SEZ6L: variants seen among roughly 807,000 people sequenced by gnomAD.
SEZ6L encodes seizure related 6 homolog like, also known as seizure 6-like protein.
SEZ6L carries 37 observed loss-of-function variants against 106.2 expected under a neutral mutation model. The observed-to-expected ratio is 0.35, with a 90% CI of 0.27 to 0.46. The LOEUF (loss-of-function observed/expected upper bound fraction) is 0.46, where lower values mean the gene tolerates loss of function less well. Among genes scored for constraint, SEZ6L ranks in the 20% least tolerant of loss-of-function variants. The pLI is 1.00. For synonymous variants in SEZ6L, 541 were observed against 570.4 expected, an observed-to-expected ratio of 0.95 and a Z score of 0.73; for missense variants, 1,172 against 1,332.8, an observed-to-expected ratio of 0.88 and a Z score of 1.88.
intron 1 of SEZ6L, among the ~76,000 whole-genome samples, chr22:26,276,240 T>C (rs1210196377): frequency 6.6e-6 from 1 of 152,244 alleles, no homozygotes; most frequent in Non-Finnish European, 1.5e-5. Flanking sequence ...CAGTGTTTCT[T>C]TAAGGTTAAC....
chr22:26,203,855 C>T (rs1300130658), intron 1 of SEZ6L, among the ~76,000 whole-genome samples: 1 of 152,112 alleles, frequency 6.6e-6, no homozygotes, highest in East Asian at 1.9e-4. Flanking sequence ...AATGTAGACC[C>T]CTTAAGAGCT....
At chr22:26,296,210 A>G (rs145673620) in intron 3 of SEZ6L, among the ~76,000 whole-genome samples, 102 of 152,292 alleles carry the variant, frequency 6.7e-4, no homozygotes, top group Middle Eastern at 3.4e-3. Context: ...CACAGAGTGT[A>G]AATGGCAAAG....
chr22:26,262,716 GAGA>G (rs952232964), intron 1 of SEZ6L, among the ~76,000 whole-genome samples: 1 of 152,178 alleles, frequency 6.6e-6, no homozygotes, highest in African/African-American at 2.4e-5. Context: ...AGCCAGACGG[GAGA>G]AGGAGGACCA....
chr22:26,361,505 T>C (rs2083626899), intron 12 of SEZ6L, among the ~76,000 whole-genome samples: 1 of 63,754 alleles, frequency 1.6e-5, no homozygotes, highest in African/African-American at 1.1e-4. Flanking sequence ...AGACTCTGTC[T>C]CAAAAAAAAA....
At chr22:26,366,842 T>G (rs570675386) in intron 13 of SEZ6L, among the ~76,000 whole-genome samples, 2 of 152,248 alleles carry the variant, frequency 1.3e-5, no homozygotes, top group East Asian at 3.9e-4. Flanking sequence ...AGAGACAGGG[T>G]CTTGCTATGT....
intron 1 of SEZ6L, among the ~76,000 whole-genome samples, chr22:26,270,460 A>AGG (rs113686488): frequency 6.8e-4 from 59 of 86,658 alleles, no homozygotes; most frequent in African/African-American, 2.0e-3. Context: ...GACAATTGTG[A>AGG]GGGGTGTGTG....
chr22:26,253,017 C>A (rs925483915), intron 1 of SEZ6L, among the ~76,000 whole-genome samples: 11 of 152,314 alleles, frequency 7.2e-5, no homozygotes, highest in Non-Finnish European at 1.5e-4. Context: ...AGCAGACAGT[C>A]TTCGGGGCCT....
In SEZ6L at chr22:26,326,238, C is replaced by T. The variant is rs530669502; in HGVS notation, c.2015+12336C>T. 9.8e-5 allele frequency among the ~76,000 whole-genome samples: 15 copies of T among 152,296 alleles called. No individual in the cohort carries two copies. In the East Asian group the frequency reaches 2.9e-3, roughly 29 times the overall value. ...CTGTCTGAGCTGGACATTGCCTTGT[C>T]GGTGCACCCCTACAAGCTCAAGGCA... On this transcript the variant is annotated intron_variant, in intron 9 of 16. Coordinates refer to ENST00000248933, the MANE Select transcript of SEZ6L (RefSeq NM_021115.5).
rs58457773 is a variant in SEZ6L, at chr22:26,262,244, T to TTATCTATCTATCTATCTATCTATC, written c.95-30144_95-30121dup. Reference sequence around the variant, plus strand: ...TGCACCTTTTATATATTGATATATTTTATCTATCTATCTATCTATCTATCT... The same window carrying TTATCTATCTATCTATCTATCTATC: ...TGCACCTTTTATATATTGATATATTTTATCTATCTATCTATCTATCTATCTATCTATCTATCTATCTATCTATCT... On this transcript the variant is annotated intron_variant, in intron 1 of 16. Coordinates refer to ENST00000248933, the MANE Select transcript of SEZ6L (RefSeq NM_021115.5). Among the ~76,000 whole-genome samples, 440 of 144,320 alleles carry TTATCTATCTATCTATCTATCTATC rather than the reference T, an allele frequency of 3.0e-3. 3 individuals are homozygous for TTATCTATCTATCTATCTATCTATC. The highest frequency in any genetic ancestry group is 5.2e-3 in the East Asian group (26 of 4,956). 94.7% of individuals were successfully genotyped at this position (144,320 alleles called of 152,430 possible).
In SEZ6L at chr22:26,365,418, A is replaced by G; in HGVS notation, c.2646A>G (p.Gly882=). The change falls in exon 13 of 17, where the codon GGA becomes GGG. Residue 882 remains glycine, a synonymous_variant. Coordinates refer to ENST00000248933, the MANE Select transcript of SEZ6L (RefSeq NM_021115.5). ...ACDNPGLPEN[G]YQILYKRLYL... ...ACAACCCAGGGCTGCCTGAAAATGG[A>G]TACCAAATCCTGTACAAGCGACTCT... 6.2e-7 allele frequency: 1 copy of G among 1,613,042 alleles called. No homozygotes were observed. Among genetic ancestry groups the G allele is most frequent in the Non-Finnish European group, 8.5e-7 (1 of 1,179,150 alleles).
At chr22:26,213,350 C>A (rs1458066805) in intron 1 of SEZ6L, among the ~76,000 whole-genome samples, 1 of 152,210 alleles carries the variant, frequency 6.6e-6, no homozygotes, top group African/African-American at 2.4e-5. Context: ...GGACATGAAC[C>A]CTTACCATGC....
intron 9 of SEZ6L, among the ~76,000 whole-genome samples, chr22:26,331,398 T>C (rs951692601): frequency 1.3e-5 from 2 of 152,148 alleles, no homozygotes; most frequent in Non-Finnish European, 2.9e-5. Context: ...ACTGTGAAAA[T>C]TGAGTTTCCC....
chr22:26,209,747 G>C (rs961586234), intron 1 of SEZ6L, among the ~76,000 whole-genome samples: 2 of 138,418 alleles, frequency 1.4e-5, no homozygotes, highest in African/African-American at 2.8e-5. Context: ...GAGGGAGAGA[G>C]GAGAGAAGGA....
chr22:26,238,389 C>A (rs1257224238), intron 1 of SEZ6L, among the ~76,000 whole-genome samples: 1 of 152,226 alleles, frequency 6.6e-6, no homozygotes, highest in Non-Finnish European at 1.5e-5. Context: ...AGTTGAGGAA[C>A]CGTGTTTATG....
chr22:26,299,287 C>A (rs2081385035), intron 5 of SEZ6L, 118 bp downstream of exon 5: 2 of 724,686 alleles, frequency 2.8e-6, no homozygotes, highest in Non-Finnish European at 3.9e-6. Flanking sequence ...GAAGAAACTG[C>A]TCCAAATATG....
intron 13 of SEZ6L, among the ~76,000 whole-genome samples, chr22:26,367,765 G>A (rs1469283684): frequency 2.0e-5 from 3 of 152,098 alleles, no homozygotes; most frequent in African/African-American, 4.8e-5. Context: ...CTCCCAGGGC[G>A]TTACCTGGCG....
chr22:26,307,035 C>T (rs2081652751), intron 6 of SEZ6L, among the ~76,000 whole-genome samples: 3 of 152,262 alleles, frequency 2.0e-5, no homozygotes, highest in Middle Eastern at 6.8e-3. Context: ...ATTGTGAATA[C>T]CAGCTGCGTT....
chr22:26,359,798 G>C (rs531222540), intron 12 of SEZ6L, among the ~76,000 whole-genome samples: 1 of 152,054 alleles, frequency 6.6e-6, no homozygotes, highest in Non-Finnish European at 1.5e-5. Flanking sequence ...ATGAGACCCT[G>C]TCTCAAAAAT....
At chr22:26,213,509 C>T (rs1194334908) in intron 1 of SEZ6L, among the ~76,000 whole-genome samples, 1 of 152,222 alleles carries the variant, frequency 6.6e-6, no homozygotes, top group Non-Finnish European at 1.5e-5. Context: ...GACATTGTCA[C>T]CCCAAAATGC....
Sources: gnomAD v4.1 joint callset for allele counts (sites outside exome capture counted in the v4.1 genomes callset) on GRCh38, gnomAD v4.1.1 for gene constraint, MANE v1.5 for transcripts, NCBI Gene and HGNC (gene_info 2026-07-23, HGNC 2026-07-21) for gene names.